The following CLEC4D variants were observed in gnomAD, a reference collection of about 807,000 sequenced individuals.
CLEC4D encodes C-type (calcium dependent, carbohydrate-recognition domain) lectin, superfamily member 8.
CLEC4D carries 21 observed loss-of-function variants against 21.1 expected under a neutral mutation model. The ratio of observed to expected loss-of-function variants is 1.00; its 90% CI spans 0.71 to 1.43. CLEC4D has a LOEUF of 1.43. Among genes scored for constraint, CLEC4D ranks in the 40% most tolerant of loss-of-function variants. The pLI is 0.00. For missense variants in CLEC4D, 289 were observed against 260.7 expected (o/e 1.11, Z -0.75); for synonymous variants, 85 against 83.1 (o/e 1.02, Z -0.12).
chr12:8,531,041 C>T, the CLEC4D span, among the ~76,000 whole-genome samples: 1 of 152,188 alleles, frequency 6.6e-6, no homozygotes, highest in African/African-American at 2.4e-5. Context: ...AGATAGTCCT[C>T]CTGCTTCGGC....
rs1037179933 is a variant in CLEC4D, at chr12:8,521,133, T to A, written c.510T>A (p.His170Gln). The part of the protein sequence containing the change: ...TPFNPRRVFW[H>Q]KNEPDNSQGE... The stretch of plus-strand genomic sequence containing the variant: ...GTTGTTGTTCTTTCAGATTCTGGCA[T>A]AAGAATGAACCCGACAACTCTCAGG... Residue 170 changes from histidine (H) to glutamine (Q), a missense_variant, in exon 6 of 6, where the codon CAT (histidine) becomes CAA (glutamine). Coordinates refer to ENST00000299665, the MANE Select transcript of CLEC4D (RefSeq NM_080387.5). 2.2e-5 allele frequency: 36 copies of A among 1,612,480 alleles called. No individual in the cohort carries two copies. In the Admixed American group the frequency reaches 4.7e-4, roughly 21 times the overall value.
downstream of CLEC4D, among the ~76,000 whole-genome samples, chr12:8,524,999 T>C (rs1377957599): frequency 6.6e-6 from 1 of 152,234 alleles, no homozygotes; most frequent in African/African-American, 2.4e-5. Flanking sequence ...TTTCTTGAAA[T>C]TGTGTGTTTT....
At position 8,516,753 on chromosome 12, in the gene CLEC4D, C is replaced by T. The variant is rs184744524; in HGVS notation, c.122-1411C>T. ...GCAGTTCCACTCCTACGTATGTGCC[C>T]TACAGAAACGCATGCTTATGTGCTC... On this transcript the variant is annotated intron_variant, in intron 2 of 5. Transcript: ENST00000299665. 3.7e-4 allele frequency among the ~76,000 whole-genome samples: 57 copies of T among 152,296 alleles called. 1 individual carries two copies. The East Asian group carries it at 4.4e-3, about 12-fold the overall frequency.
chr12:8,525,783 A>C (rs2136391671), downstream of CLEC4D, among the ~76,000 whole-genome samples: 1 of 152,098 alleles, frequency 6.6e-6, no homozygotes, highest in Non-Finnish European at 1.5e-5. Flanking sequence ...TCATAGTGTC[A>C]TTGGTCTTTA....
the CLEC4D span, among the ~76,000 whole-genome samples, chr12:8,529,362 C>T: frequency 3.3e-5 from 5 of 152,148 alleles, no homozygotes; most frequent in Non-Finnish European, 5.9e-5. Flanking sequence ...AGCTTGTAAT[C>T]CCAGCACTTT....
chr12:8,528,006 G>A, the CLEC4D span, among the ~76,000 whole-genome samples: 1 of 152,150 alleles, frequency 6.6e-6, no homozygotes, highest in African/African-American at 2.4e-5. Flanking sequence ...CTCTCCGTGG[G>A]TCACACCAGC....
At chr12:8,514,123 G>T (rs1270031942) in intron 1 of CLEC4D, among the ~76,000 whole-genome samples, 1 of 152,204 alleles carries the variant, frequency 6.6e-6, no homozygotes, top group Non-Finnish European at 1.5e-5. Context: ...TTTTATGTTT[G>T]ACTTAAGTGA....
the CLEC4D span, among the ~76,000 whole-genome samples, chr12:8,527,474 G>A: frequency 6.6e-6 from 1 of 152,030 alleles, no homozygotes; most frequent in Non-Finnish European, 1.5e-5. Flanking sequence ...CACTCTGGCC[G>A]CAGACTGCCA....
Position 8,518,200 on chromosome 12 carries a change from CA to C in CLEC4D, c.159del (p.Gly54GlufsTer5). 7.1e-7 allele frequency: 1 copy of C among 1,415,190 alleles called. No individual in the cohort carries two copies. The highest frequency in any genetic ancestry group is 1.7e-5 in the Admixed American group (1 of 59,676). 87.7% of individuals were successfully genotyped at this position (1,415,190 alleles called of 1,614,324 possible). ...HHNFSRCKRG[T>X]GVHKLEHHAK... ...AACTTTTCACGCTGTAAGAGAGGCA[CA>C]GGAGTGCACAAGTTAGAGCACCATG... On this transcript the variant is annotated frameshift_variant, in exon 3 of 6. Transcript: ENST00000299665. LOFTEE classifies it high-confidence loss of function.
the CLEC4D span, among the ~76,000 whole-genome samples, chr12:8,529,965 G>A: frequency 6.6e-6 from 1 of 152,174 alleles, no homozygotes; most frequent in African/African-American, 2.4e-5. Flanking sequence ...ACTTAGGTGT[G>A]GGAATCAGAA....
chr12:8,521,215 C>G lies in CLEC4D; in HGVS notation c.592C>G (p.Pro198Ala). 6.2e-7 allele frequency: 1 copy of G among 1,613,352 alleles called. No individual in the cohort carries two copies. The highest frequency in any genetic ancestry group is 1.1e-5 in the South Asian group (1 of 91,014). ...AGATAAATGGGCCTGGAATGATGTT[C>G]CTTGTAACTTTGAAGCAAGTAGGAT... ...NQDKWAWNDV[P>A]CNFEASRICK... The change falls in exon 6 of 6, where the codon CCT becomes GCT. Residue 198 changes from proline to alanine, a missense_variant. Coordinates refer to ENST00000299665, the MANE Select transcript of CLEC4D (RefSeq NM_080387.5).
chr12:8,526,335 G>T (rs1433679482), downstream of CLEC4D, among the ~76,000 whole-genome samples: 1 of 152,064 alleles, frequency 6.6e-6, no homozygotes, highest in African/African-American at 2.4e-5. Context: ...GTCAATCATA[G>T]GTTTGGTTTT....
chr12:8,526,773 C>T (rs752841231), downstream of CLEC4D, among the ~76,000 whole-genome samples: 15 of 152,210 alleles, frequency 9.9e-5, 1 homozygote, highest in South Asian at 3.1e-3. Flanking sequence ...GCACTCTTGT[C>T]TTTTGGGTTT....
chr12:8,529,303 C>T, the CLEC4D span, among the ~76,000 whole-genome samples: 3 of 151,992 alleles, frequency 2.0e-5, no homozygotes, highest in Non-Finnish European at 2.9e-5. Context: ...TATGTCAGTA[C>T]GCAGAAAGCT....
rs1940406060 is a variant in CLEC4D at position 8,518,144 on chromosome 12, C to T, written c.122-20C>T. On this transcript the variant is annotated intron_variant, in intron 2 of 5. Coordinates refer to ENST00000299665, the MANE Select transcript of CLEC4D (RefSeq NM_080387.5). The stretch of plus-strand genomic sequence containing the variant: ...TGGTTATATAGAAAAAGAAACCTAA[C>T]TTGCTTTTATCCTTGACAGTGACTC... The T allele has an allele frequency of 1.1e-6, 1 of 911,350 alleles. No homozygotes were observed. Among genetic ancestry groups the T allele is most frequent in the Admixed American group, 1.8e-5 (1 of 55,014 alleles). The allele number at this position is 911,350 out of a possible 1,614,324, so 56.5% of individuals were successfully genotyped here.
intron 5 of CLEC4D, among the ~76,000 whole-genome samples, chr12:8,520,725 A>T (rs1391658689): frequency 2.0e-5 from 3 of 152,220 alleles, no homozygotes; most frequent in Admixed American, 6.5e-5. Context: ...TGTGCAATTT[A>T]AAATTTTTTG....
chr12:8,521,051 ATCTAATC>A (rs1331551299), intron 5 of CLEC4D, 66 bp from the exon 6 acceptor site: 2 of 1,520,214 alleles, frequency 1.3e-6, no homozygotes, highest in Non-Finnish European at 1.8e-6. Context: ...ATATATCTAT[ATCTAATC>A]TACACCTATA....
chr12:8,521,320 T>G lies in CLEC4D; in HGVS notation c.*49T>G. The stretch of plus-strand genomic sequence containing the variant: ...ATGGAAAGAGAAAAGAAAAACCAAT[T>G]AGAATAAGGCAGAATGTACGTGCGT... On this transcript the variant is annotated 3_prime_UTR_variant, in exon 6 of 6. Coordinates refer to ENST00000299665, the MANE Select transcript of CLEC4D (RefSeq NM_080387.5). 1 of 1,580,456 alleles carries G rather than the reference T, an allele frequency of 6.3e-7. No homozygotes were observed. Among genetic ancestry groups the G allele is most frequent in the Non-Finnish European group, 8.6e-7 (1 of 1,167,440 alleles).
chr12:8,523,809 A>G (rs183905781), downstream of CLEC4D, among the ~76,000 whole-genome samples: 732 of 152,292 alleles, frequency 4.8e-3, 6 homozygotes, highest in Non-Finnish European at 7.6e-3. Context: ...GCTTTTGCCC[A>G]TTCAATATGA....
Sources: gnomAD v4.1 joint callset for allele counts (sites outside exome capture counted in the v4.1 genomes callset) on GRCh38, gnomAD v4.1.1 for gene constraint, MANE v1.5 for transcripts, NCBI Gene and HGNC (gene_info 2026-07-23, HGNC 2026-07-21) for gene names.